The following MYT1L variants were observed in gnomAD, a reference collection of about 807,000 sequenced individuals.
MYT1L encodes the protein myelin transcription factor 1 like, also known as myelin transcription factor 1-like protein.
A neutral mutation model predicts 126.7 loss-of-function variants in MYT1L; 12 were observed. The observed-to-expected ratio is 0.09, with a 90% CI of 0.06 to 0.15. The LOEUF is 0.15. Among genes scored for constraint, MYT1L ranks in the 10% least tolerant of loss-of-function variants. MYT1L has a pLI of 1.00. For synonymous variants in MYT1L, 541 were observed against 604.2 expected (o/e 0.90, Z 1.53); for missense variants, 979 against 1,585.2 (o/e 0.62, Z 6.49).
chr2:1,825,572 T>C (rs1158062030), intron 21 of MYT1L: 1 of 152,226 alleles, frequency 6.6e-6, no homozygotes, highest in Non-Finnish European at 1.5e-5. Context: ...TCAAAGTTTT[T>C]TGTTTGTTTA....
At chr2:2,063,372 T>C (rs989680383) in intron 3 of MYT1L, among the ~76,000 whole-genome samples, 17 of 152,270 alleles carry the variant, frequency 1.1e-4, no homozygotes, top group Admixed American at 2.6e-4. Context: ...TCTGTTCATA[T>C]TTAACAAGAC....
intron 1 of MYT1L, among the ~76,000 whole-genome samples, chr2:2,307,829 A>G (rs1042051049): frequency 2.8e-5 from 4 of 141,556 alleles, no homozygotes; most frequent in African/African-American, 1.1e-4. Flanking sequence ...TCTATACTCC[A>G]CCTATACTTC....
At chr2:2,142,286 G>GTT (rs1230452004) in intron 3 of MYT1L, among the ~76,000 whole-genome samples, 3 of 152,188 alleles carry the variant, frequency 2.0e-5, no homozygotes, top group Non-Finnish European at 2.9e-5. Flanking sequence ...CGCAGTGGAT[G>GTT]TTTAGAAGAC....
chr2:2,295,685 CAGAGAG>C lies in MYT1L; in HGVS notation c.-520-11188_-520-11183del, dbSNP rs201138507. Among the ~76,000 whole-genome samples, 151 of 18,536 alleles carry C rather than the reference CAGAGAG, an allele frequency of 8.1e-3. 1 individual carries two copies. The highest frequency in any genetic ancestry group is 0.012 in the Non-Finnish European group (111 of 9,224). 12.2% of individuals were successfully genotyped at this position (18,536 alleles called of 152,430 possible). On this transcript the variant is annotated intron_variant, in intron 1 of 24. Transcript: ENST00000647738. ...AGACAGAGAGAGAGAGAGAGACAGA[CAGAGAG>C]AGAGAGAGAGAGACAGACAGACAGA... is the stretch of plus-strand genomic sequence containing the variant.
At chr2:2,322,335 C>A (rs1435894264) in intron 1 of MYT1L, among the ~76,000 whole-genome samples, 1 of 151,888 alleles carries the variant, frequency 6.6e-6, no homozygotes, top group East Asian at 1.9e-4. Flanking sequence ...CTTGGAATCA[C>A]AACAATTGAT....
At chr2:2,150,883 A>G (rs1396014795) in intron 3 of MYT1L, among the ~76,000 whole-genome samples, 2 of 143,298 alleles carry the variant, frequency 1.4e-5, no homozygotes, top group Non-Finnish European at 1.5e-5. Context: ...GGAGGGAAGG[A>G]AGGAAGGAAG....
intron 2 of MYT1L, among the ~76,000 whole-genome samples, chr2:2,176,190 T>C (rs866902941): frequency 2.0e-5 from 3 of 152,072 alleles, no homozygotes; most frequent in East Asian, 3.9e-4. Context: ...ATAATGACCA[T>C]ATAGACAATG....
intron 8 of MYT1L, among the ~76,000 whole-genome samples, chr2:1,964,009 G>A (rs1287417078): frequency 6.6e-5 from 10 of 152,174 alleles, no homozygotes; most frequent in East Asian, 3.8e-4. Flanking sequence ...CTTTTGGCAC[G>A]CCTTCCTCTC....
At chr2:1,857,205 A>G (rs1244628567) in intron 18 of MYT1L, among the ~76,000 whole-genome samples, 3 of 152,234 alleles carry the variant, frequency 2.0e-5, no homozygotes, top group East Asian at 1.9e-4. Flanking sequence ...CAGTGGGTCC[A>G]CCATCATCTA....
At chr2:2,071,269 T>C (rs1393593656) in intron 3 of MYT1L, among the ~76,000 whole-genome samples, 1 of 152,228 alleles carries the variant, frequency 6.6e-6, no homozygotes, top group Non-Finnish European at 1.5e-5. Flanking sequence ...TACTGGTTAA[T>C]AAAAATGTAC....
chr2:1,868,878 T>A (rs965345342), intron 18 of MYT1L, among the ~76,000 whole-genome samples: 1 of 152,066 alleles, frequency 6.6e-6, no homozygotes, highest in Non-Finnish European at 1.5e-5. Context: ...GGAGGGGAGA[T>A]GCCCTCAGGT....
At position 2,262,932 on chromosome 2, in the gene MYT1L, A is replaced by ATAT. The variant is rs1553610292; in HGVS notation, c.-421+21471_-421+21472insATA. ...GAGGCACAAATATATATATATATAT[A>ATAT]ACCTGTGATATATATATATATATCA... On this transcript the variant is annotated intron_variant, in intron 2 of 24. Coordinates refer to ENST00000647738, the MANE Select transcript of MYT1L (RefSeq NM_001303052.2). Among the ~76,000 whole-genome samples, 152 of 41,212 alleles carry ATAT rather than the reference A, an allele frequency of 3.7e-3. 34 individuals carry two copies. The highest frequency in any genetic ancestry group is 0.015 in the African/African-American group (142 of 9,418). The allele number at this position is 41,212 out of a possible 152,430, so 27.0% of individuals were successfully genotyped here.
At chr2:2,054,809 C>A (rs2069285600) in intron 3 of MYT1L, among the ~76,000 whole-genome samples, 1 of 151,736 alleles carries the variant, frequency 6.6e-6, no homozygotes, top group Admixed American at 6.6e-5. Context: ...TGATGAGACA[C>A]ATGGAGATGG....
At position 2,044,988 on chromosome 2, in the gene MYT1L, T is replaced by C. The variant is rs199991438; in HGVS notation, c.-158+8990A>G. 3.9e-5 allele frequency among the ~76,000 whole-genome samples: 6 copies of C among 152,246 alleles called. No individual in the cohort carries two copies. In the East Asian group the frequency reaches 1.2e-3, roughly 29 times the overall value. ...GATGATGGCACAAGTAGGAGGTGTT[T>C]AAACATGTGAGTTCAGAACCCTGTT... On this transcript the variant is annotated intron_variant, in intron 4 of 24. Coordinates refer to ENST00000647738, the MANE Select transcript of MYT1L (RefSeq NM_001303052.2).
chr2:1,863,059 G>A (rs1305174778), intron 18 of MYT1L, among the ~76,000 whole-genome samples: 1 of 152,192 alleles, frequency 6.6e-6, no homozygotes, highest in Admixed American at 6.5e-5. Flanking sequence ...GGGAATGGTA[G>A]CGTGTCCAGA....
intron 4 of MYT1L, among the ~76,000 whole-genome samples, chr2:2,020,021 T>A (rs2064872814): frequency 3.9e-5 from 6 of 152,078 alleles, no homozygotes; most frequent in Middle Eastern, 3.2e-3. Flanking sequence ...ATTTTTGTAT[T>A]TTTTGTAGAG....
chr2:1,956,639 GC>G, intron 8 of MYT1L, among the ~76,000 whole-genome samples: 1 of 135,312 alleles, frequency 7.4e-6, no homozygotes, highest in South Asian at 2.4e-4. Flanking sequence ...TACCTATCTA[GC>G]TATCTATTTA....
In MYT1L at chr2:2,062,837, G is replaced by C. The variant is rs577204776; in HGVS notation, c.-303-8714C>G. Reference sequence around the variant, plus strand: ...CGTCATAATTTTCTCTTTGCTTCTAGTGTTTTAGTATTTCCCAAGAATGAG... The same window carrying C: ...CGTCATAATTTTCTCTTTGCTTCTACTGTTTTAGTATTTCCCAAGAATGAG... On this transcript the variant is annotated intron_variant, in intron 3 of 24. Transcript: ENST00000647738. Among the ~76,000 whole-genome samples, 17 of 152,178 alleles carry C rather than the reference G, an allele frequency of 1.1e-4. 1 individual carries two copies. The South Asian group carries it at 3.3e-3, about 30-fold the overall frequency.
chr2:2,320,096 A>T (rs1004485557), intron 1 of MYT1L, among the ~76,000 whole-genome samples: 9 of 152,152 alleles, frequency 5.9e-5, no homozygotes, highest in Admixed American at 3.3e-4. Context: ...AATAATTAAT[A>T]TATGTGCAAG....
Sources: gnomAD v4.1 joint callset for allele counts (sites outside exome capture counted in the v4.1 genomes callset) on GRCh38, gnomAD v4.1.1 for gene constraint, MANE v1.5 for transcripts, NCBI Gene and HGNC (gene_info 2026-07-23, HGNC 2026-07-21) for gene names.